TMEM161B: variants seen among roughly 807,000 people sequenced by gnomAD.
The protein encoded by TMEM161B is transmembrane protein 161B.
In TMEM161B, 34 loss-of-function variants were observed where a neutral mutation model predicts 61.8. The observed-to-expected ratio is 0.55, with a 90% CI of 0.42 to 0.73. The LOEUF is 0.73. TMEM161B is among the 30% of genes least tolerant of loss of function. The probability of loss-of-function intolerance (pLI) is 0.00; values close to 1 mark genes in which losing one functional copy is unlikely to be tolerated. For synonymous variants in TMEM161B, 167 were observed against 192.8 expected, an observed-to-expected ratio of 0.87 and a Z score of 1.11; for missense variants, 456 against 558.5, an observed-to-expected ratio of 0.82 and a Z score of 1.85.
At chr5:88,218,820 A>G (rs1352707447) in intron 5 of TMEM161B, among the ~76,000 whole-genome samples, 3 of 152,246 alleles carry the variant, frequency 2.0e-5, no homozygotes, top group South Asian at 2.1e-4. Context: ...ATTAATTCTT[A>G]GGGTAAATTT....
At position 88,230,277 on chromosome 5, in the gene TMEM161B, A is replaced by C. The variant is rs148992706; in HGVS notation, c.108-1749T>G. Among the ~76,000 whole-genome samples the C allele has an allele frequency of 4.4e-3, 664 of 152,306 alleles. 1 individual carries two copies. Among genetic ancestry groups the C allele is most frequent in the Non-Finnish European group, 7.4e-3 (503 of 68,024 alleles). On this transcript the variant is annotated intron_variant, in intron 2 of 11. Transcript: ENST00000296595. ...ACTGAATATTTGATTACATTAAAAA[A>C]TTTTAGGTATGATAATGAGATTGTG...
At chr5:88,248,310 A>G (rs1478341144) in intron 1 of TMEM161B, among the ~76,000 whole-genome samples, 1 of 152,120 alleles carries the variant, frequency 6.6e-6, no homozygotes, top group Non-Finnish European at 1.5e-5. Context: ...CATACCTTCC[A>G]GGTGGTCAAA....
intron 1 of TMEM161B, among the ~76,000 whole-genome samples, chr5:88,248,327 C>T (rs59198891): frequency 0.029 from 4,450 of 152,132 alleles, 311 homozygotes; most frequent in East Asian, 0.16. Flanking sequence ...CAAAAGCATG[C>T]TTTTCTTATC....
At chr5:88,203,621 A>C (rs1044067936) in intron 8 of TMEM161B, among the ~76,000 whole-genome samples, 9 of 151,570 alleles carry the variant, frequency 5.9e-5, no homozygotes, top group Admixed American at 3.9e-4. Context: ...ACAACCCGCA[A>C]CTGAGGAACC....
intron 1 of TMEM161B, among the ~76,000 whole-genome samples, chr5:88,255,656 A>G (rs1049765331): frequency 2.4e-4 from 37 of 152,256 alleles, no homozygotes; most frequent in African/African-American, 7.7e-4. Flanking sequence ...AATTGTTTAC[A>G]GAATTAATTG....
intron 9 of TMEM161B, chr5:88,201,826 T>C (rs1048262167): frequency 1.8e-5 from 3 of 162,818 alleles, no homozygotes; most frequent in African/African-American, 7.2e-5. Context: ...CATTACTTTT[T>C]CAGTGGCTAT....
intron 1 of TMEM161B, among the ~76,000 whole-genome samples, chr5:88,267,690 AAGAATCATCTTTCCTGT>A (rs1756577948): frequency 6.6e-6 from 1 of 152,158 alleles, no homozygotes; most frequent in South Asian, 2.1e-4. Flanking sequence ...GCTTACTGCA[AAGAATCATCTTTCCTGT>A]AGAACTTAGA....
intron 4 of TMEM161B, among the ~76,000 whole-genome samples, chr5:88,220,960 A>G (rs575398277): frequency 2.0e-5 from 3 of 152,300 alleles, no homozygotes; most frequent in Admixed American, 6.5e-5. Context: ...AAAGATTACC[A>G]AAAGTTATTT....
chr5:88,210,364 A>G (rs1392972270), intron 5 of TMEM161B, among the ~76,000 whole-genome samples: 4 of 152,204 alleles, frequency 2.6e-5, no homozygotes, highest in Non-Finnish European at 2.9e-5. Context: ...TTGTGTTTAA[A>G]TTTTTAAAAT....
At chr5:88,256,923 A>G (rs1405326961) in intron 1 of TMEM161B, among the ~76,000 whole-genome samples, 1 of 152,242 alleles carries the variant, frequency 6.6e-6, no homozygotes, top group African/African-American at 2.4e-5. Flanking sequence ...AGGAAGGAGT[A>G]CATCTGTTTT....
chr5:88,205,287 T>C (rs1405622392), intron 8 of TMEM161B, among the ~76,000 whole-genome samples: 3 of 152,134 alleles, frequency 2.0e-5, no homozygotes, highest in Non-Finnish European at 4.4e-5. Context: ...TATAACATTG[T>C]AGAGTACTAA....
exon 13 of TMEM161B, chr5:88,189,974 C>T: frequency 1.5e-6 from 1 of 676,824 alleles, no homozygotes; most frequent in South Asian, 1.6e-5. Flanking sequence ...TTGCCGTCTT[C>T]TGTACCAAGT....
intron 1 of TMEM161B, among the ~76,000 whole-genome samples, chr5:88,255,860 A>C (rs1754920107): frequency 6.6e-6 from 1 of 152,072 alleles, no homozygotes; most frequent in African/African-American, 2.4e-5. Context: ...ATAAATCCTC[A>C]ATGCCTAGAT....
Position 88,195,361 on chromosome 5 carries a change from A to C in TMEM161B, c.*850T>G, listed in dbSNP as rs1252888148. The stretch of plus-strand genomic sequence containing the variant: ...ATCTTTTATAATCTCAATATATTAT[A>C]TATTTAATATATAATATATATACAA... On this transcript the variant is annotated 3_prime_UTR_variant, in exon 12 of 12. Coordinates refer to ENST00000296595, the MANE Select transcript of TMEM161B (RefSeq NM_153354.5). 1.4e-6 allele frequency: 1 copy of C among 710,234 alleles called. No individual in the cohort carries two copies. The highest frequency in any genetic ancestry group is 1.7e-6 in the Non-Finnish European group (1 of 581,698). 44.0% of individuals were successfully genotyped at this position (710,234 alleles called of 1,614,324 possible).
At chr5:88,261,894 C>T (rs1755738826) in intron 1 of TMEM161B, among the ~76,000 whole-genome samples, 1 of 152,008 alleles carries the variant, frequency 6.6e-6, no homozygotes, top group African/African-American at 2.4e-5. Context: ...GACACAAAAC[C>T]AAAGGCATGA....
intron 1 of TMEM161B, among the ~76,000 whole-genome samples, chr5:88,262,749 G>A (rs550425208): frequency 6.6e-6 from 1 of 152,230 alleles, no homozygotes; most frequent in Non-Finnish European, 1.5e-5. Flanking sequence ...CAATTATGGT[G>A]TGTCAATGTA....
At chr5:88,206,322 G>T in intron 7 of TMEM161B, 117 bp downstream of exon 7, 1 of 788,146 alleles carries the variant, frequency 1.3e-6, no homozygotes. Flanking sequence ...GTTTCTAGAA[G>T]TGACAGTCCA....
chr5:88,258,664 T>A (rs1034608344), intron 1 of TMEM161B, among the ~76,000 whole-genome samples: 3 of 152,124 alleles, frequency 2.0e-5, no homozygotes, highest in Non-Finnish European at 1.5e-5. Flanking sequence ...AAATACTCAA[T>A]AATAATCAAG....
intron 4 of TMEM161B, among the ~76,000 whole-genome samples, chr5:88,225,095 G>A (rs112545684): frequency 6.6e-6 from 1 of 151,036 alleles, no homozygotes; most frequent in African/African-American, 2.4e-5. Flanking sequence ...AGCTCCCTGA[G>A]TAGCTGGGAC....
Sources: allele counts gnomAD v4.1 joint callset (sites outside exome capture counted in the v4.1 genomes callset), GRCh38; gene constraint gnomAD v4.1.1; transcripts MANE v1.5; gene names NCBI Gene and HGNC (gene_info 2026-07-23, HGNC 2026-07-21).